The following BCL7C variants were observed in gnomAD, a reference collection of about 807,000 sequenced individuals.
BCL7C encodes B-cell CLL/lymphoma 7 protein family member C.
A neutral mutation model predicts 26.2 loss-of-function variants in BCL7C; 8 were observed. The observed-to-expected ratio is 0.30, with a 90% confidence interval of 0.18 to 0.55. The LOEUF is 0.55. Among genes scored for constraint, BCL7C ranks in the 20% least tolerant of loss-of-function variants. The probability of loss-of-function intolerance (pLI) is 0.93; values close to 1 mark genes in which losing one functional copy is unlikely to be tolerated. For synonymous variants in BCL7C, 90 were observed against 116.5 expected (o/e 0.77, Z 1.47); for missense variants, 262 against 298.5 (o/e 0.88, Z 0.90).
chr16:30,872,494 C>T (rs1238782865), intron 5 of BCL7C, among the ~76,000 whole-genome samples: 5 of 152,192 alleles, frequency 3.3e-5, no homozygotes, highest in Admixed American at 2.6e-4. Flanking sequence ...CCTCATTCTC[C>T]AGGCAGGCAG....
downstream of BCL7C, among the ~76,000 whole-genome samples, chr16:30,883,536 C>CTTTTTTTT (rs71149065): frequency 2.2e-5 from 1 of 45,438 alleles, no homozygotes; most frequent in Non-Finnish European, 3.8e-5. Flanking sequence ...GCCAAACTGG[C>CTTTTTTTT]TTTTTTTTTT....
intron 5 of BCL7C, among the ~76,000 whole-genome samples, chr16:30,845,594 G>A (rs1342514289): frequency 6.6e-6 from 1 of 152,220 alleles, no homozygotes; most frequent in African/African-American, 2.4e-5. Context: ...TCTCTGCCAT[G>A]CCTTTCAAAT....
intron 5 of BCL7C, chr16:30,875,469 C>T (rs1202376618): frequency 3.9e-5 from 6 of 152,302 alleles, no homozygotes; most frequent in African/African-American, 7.2e-5. Context: ...GCCTTTGTCT[C>T]CGCGGAGCGT....
chr16:30,891,083 C>T (rs1008258792), intron 4 of BCL7C, among the ~76,000 whole-genome samples: 2 of 150,832 alleles, frequency 1.3e-5, no homozygotes, highest in African/African-American at 4.9e-5. Flanking sequence ...GCAGAAGAAT[C>T]GCTTGAACCT....
intron 5 of BCL7C, among the ~76,000 whole-genome samples, chr16:30,853,182 C>T (rs376270684): frequency 6.6e-6 from 1 of 152,152 alleles, no homozygotes; most frequent in Admixed American, 6.6e-5. Flanking sequence ...AAGTGATCCA[C>T]CCACCTCAGC....
At chr16:30,836,465 C>A (rs945209554) in intron 5 of BCL7C, among the ~76,000 whole-genome samples, 1 of 150,994 alleles carries the variant, frequency 6.6e-6, no homozygotes, top group African/African-American at 2.4e-5. Flanking sequence ...AGAGTTGAGA[C>A]CCTGTCTTTT....
At chr16:30,888,999 A>G (rs2055181832) in intron 4 of BCL7C, 54 bp from the exon 5 acceptor site, 2 of 1,548,054 alleles carry the variant, frequency 1.3e-6, no homozygotes, top group Admixed American at 3.3e-5. Context: ...TGCCAGCAGC[A>G]CAGACAGTGG....
chr16:30,891,849 A>C (rs2143177221), intron 4 of BCL7C, among the ~76,000 whole-genome samples: 1 of 152,110 alleles, frequency 6.6e-6, no homozygotes, highest in South Asian at 2.1e-4. Context: ...CCTGAGTCCC[A>C]GCTATTTGGG....
At chr16:30,840,604 CG>C (rs918802778) in intron 5 of BCL7C, 1 of 152,046 alleles carries the variant, frequency 6.6e-6, no homozygotes, top group Non-Finnish European at 1.5e-5. Context: ...CCAGAACTGA[CG>C]AAGAAGAAAG....
chr16:30,844,860 T>A lies in BCL7C; in HGVS notation c.529-9712A>T, dbSNP rs550743243. Among the ~76,000 whole-genome samples the A allele has an allele frequency of 1.2e-4, 19 of 152,312 alleles. No individual in the cohort carries two copies. In the South Asian group the frequency reaches 3.7e-3, roughly 30 times the overall value. ...ACATTTCTCCTTGCAAAGAACATGATGTTATGCTTTGTCAGTAGAGGGCGC... is the reference window on the plus strand; with the variant it reads ...ACATTTCTCCTTGCAAAGAACATGAAGTTATGCTTTGTCAGTAGAGGGCGC... On this transcript the variant is annotated intron_variant, in intron 5 of 5. Transcript: ENST00000380317.
intron 5 of BCL7C, among the ~76,000 whole-genome samples, chr16:30,861,975 T>G (rs2054778521): frequency 1.3e-5 from 2 of 149,636 alleles, no homozygotes; most frequent in African/African-American, 4.9e-5. Flanking sequence ...GCCATTCTCC[T>G]GCCTCAGCCT....
intron 5 of BCL7C, among the ~76,000 whole-genome samples, chr16:30,874,419 C>T (rs1034204167): frequency 3.9e-5 from 6 of 152,044 alleles, no homozygotes; most frequent in Non-Finnish European, 5.9e-5. Flanking sequence ...GAGTTCCAGA[C>T]CAGCCTGGAC....
chr16:30,876,343 C>T (rs184479225), intron 5 of BCL7C, among the ~76,000 whole-genome samples: 2 of 152,322 alleles, frequency 1.3e-5, no homozygotes, highest in East Asian at 3.9e-4. Flanking sequence ...TGAAATGGAC[C>T]TGAGCTAAAA....
intron 5 of BCL7C, among the ~76,000 whole-genome samples, chr16:30,841,761 C>G (rs895329684): frequency 6.6e-6 from 1 of 151,928 alleles, no homozygotes; most frequent in Admixed American, 6.6e-5. Context: ...CAAGACCATC[C>G]TGGCTAACAT....
chr16:30,842,387 A>G (rs1254817405), intron 5 of BCL7C, among the ~76,000 whole-genome samples: 1 of 152,194 alleles, frequency 6.6e-6, no homozygotes, highest in African/African-American at 2.4e-5. Context: ...CTAGCTAAAG[A>G]GCACACTGGC....
exon 6 of BCL7C, chr16:30,833,680 A>C (rs2054554454): frequency 6.6e-6 from 1 of 152,246 alleles, no homozygotes; most frequent in African/African-American, 2.4e-5. Flanking sequence ...AGAAAAGGTC[A>C]TTCCAGAATT....
At chr16:30,852,959 A>G (rs1465049701) in intron 5 of BCL7C, among the ~76,000 whole-genome samples, 1 of 151,176 alleles carries the variant, frequency 6.6e-6, no homozygotes, top group East Asian at 2.0e-4. Context: ...TTTGATACGG[A>G]GTTTTGCTCT....
intron 5 of BCL7C, 98 bp from the exon 6 acceptor site, chr16:30,888,088 T>A: frequency 1.5e-6 from 2 of 1,319,604 alleles, no homozygotes; most frequent in Non-Finnish European, 2.0e-6. Flanking sequence ...CCTCCCCTCC[T>A]GGGCCCGGGA....
downstream of BCL7C, among the ~76,000 whole-genome samples, chr16:30,883,235 G>A (rs1020364520): frequency 1.3e-5 from 2 of 152,174 alleles, no homozygotes; most frequent in African/African-American, 4.8e-5. Flanking sequence ...AGAGCCAGGG[G>A]TAGAAGGATT....
Sources: allele counts gnomAD v4.1 joint callset (sites outside exome capture counted in the v4.1 genomes callset), GRCh38; gene constraint gnomAD v4.1.1; transcripts MANE v1.5; gene names NCBI Gene and HGNC (gene_info 2026-07-23, HGNC 2026-07-21).